The following CWC27 variants were observed in gnomAD, a reference collection of about 807,000 sequenced individuals.
The protein encoded by CWC27 is CWC27 spliceosome associated cyclophilin, also known as spliceosome-associated protein CWC27 homolog.
Under a neutral mutation model 63.6 loss-of-function variants are expected in CWC27, and 47 were observed. The ratio of observed to expected loss-of-function variants is 0.74; its 90% CI spans 0.58 to 0.94. CWC27 has a LOEUF of 0.94. Among genes scored for constraint, CWC27 ranks in the 40% least tolerant of loss-of-function variants. The pLI is 0.00. For synonymous variants in CWC27, 175 were observed against 179.8 expected (o/e 0.97, Z 0.22); for missense variants, 495 against 554.3 (o/e 0.89, Z 1.07).
chr5:64,788,040 G>C (rs939506857), intron 6 of CWC27, among the ~76,000 whole-genome samples: 3 of 152,070 alleles, frequency 2.0e-5, no homozygotes, highest in Admixed American at 6.6e-5. Flanking sequence ...TGTCAGATAT[G>C]AGCCAGACAC....
chr5:64,776,635 T>C (rs1169563147), intron 2 of CWC27, among the ~76,000 whole-genome samples: 5 of 152,154 alleles, frequency 3.3e-5, no homozygotes, highest in African/African-American at 1.2e-4. Flanking sequence ...CTAAGAAGAC[T>C]GATTTAAACA....
At chr5:65,006,610 C>T (rs923679251) in intron 13 of CWC27, among the ~76,000 whole-genome samples, 1 of 151,794 alleles carries the variant, frequency 6.6e-6, no homozygotes, top group Non-Finnish European at 1.5e-5. Context: ...AACCAAATTA[C>T]CTAAAAATTA....
intron 11 of CWC27, among the ~76,000 whole-genome samples, chr5:64,921,133 G>A (rs1295651450): frequency 1.3e-5 from 2 of 152,032 alleles, no homozygotes; most frequent in Non-Finnish European, 1.5e-5. Context: ...CTGGTATGTT[G>A]TGTCTCTATT....
intron 13 of CWC27, among the ~76,000 whole-genome samples, chr5:64,978,906 A>G (rs963511727): frequency 6.6e-6 from 1 of 152,162 alleles, no homozygotes; most frequent in East Asian, 1.9e-4. Context: ...TTCAAACCCC[A>G]GAAGTTTTAT....
chr5:64,820,603 C>T (rs908958711), intron 10 of CWC27, among the ~76,000 whole-genome samples: 1 of 150,844 alleles, frequency 6.6e-6, no homozygotes, highest in African/African-American at 2.4e-5. Context: ...GGACAGAATA[C>T]AGAGTCCACA....
chr5:64,922,916 G>A (rs1311701441), intron 11 of CWC27, among the ~76,000 whole-genome samples: 9 of 152,176 alleles, frequency 5.9e-5, no homozygotes, highest in African/African-American at 1.2e-4. Flanking sequence ...CCTGGGCTGC[G>A]TGCTCTAACC....
intron 11 of CWC27, among the ~76,000 whole-genome samples, chr5:64,959,309 A>G (rs1306417982): frequency 1.3e-5 from 2 of 152,212 alleles, no homozygotes; most frequent in African/African-American, 2.4e-5. Flanking sequence ...CTGGTCACTA[A>G]ATAAATATTA....
chr5:64,777,410 T>C (rs1223665217), intron 2 of CWC27, among the ~76,000 whole-genome samples: 1 of 152,128 alleles, frequency 6.6e-6, no homozygotes, highest in Non-Finnish European at 1.5e-5. Context: ...TAAAAAGTTA[T>C]TAATGATAAC....
intron 10 of CWC27, among the ~76,000 whole-genome samples, chr5:64,839,583 G>C (rs12658920): frequency 0.35 from 53,593 of 152,018 alleles, 9,893 homozygotes; most frequent in East Asian, 0.51. Flanking sequence ...GGCCTGATGA[G>C]GGCAGGGCAC....
chr5:64,810,539 T>C (rs1336925270), intron 10 of CWC27, among the ~76,000 whole-genome samples: 1 of 152,166 alleles, frequency 6.6e-6, no homozygotes, highest in Non-Finnish European at 1.5e-5. Context: ...GAATGGGATA[T>C]CTTTCCATTT....
chr5:64,994,356 A>G (rs1749592537), intron 13 of CWC27, among the ~76,000 whole-genome samples: 1 of 152,100 alleles, frequency 6.6e-6, no homozygotes, highest in Admixed American at 6.5e-5. Flanking sequence ...ATATTGCATA[A>G]TTTAACATGG....
chr5:64,922,362 G>A (rs184804052), intron 11 of CWC27, among the ~76,000 whole-genome samples: 2 of 152,162 alleles, frequency 1.3e-5, no homozygotes, highest in Admixed American at 6.5e-5. Flanking sequence ...TTGTCTGCCT[G>A]TGTGGCTTCA....
At chr5:64,912,351 A>G (rs1367232172) in intron 11 of CWC27, among the ~76,000 whole-genome samples, 1 of 152,174 alleles carries the variant, frequency 6.6e-6, no homozygotes, top group Non-Finnish European at 1.5e-5. Flanking sequence ...CAGCAGAAAC[A>G]ACAAATAGAA....
At chr5:64,893,049 G>A (rs552287537) in intron 11 of CWC27, among the ~76,000 whole-genome samples, 3 of 152,320 alleles carry the variant, frequency 2.0e-5, no homozygotes, top group African/African-American at 7.2e-5. Context: ...TGAAGGGTAT[G>A]TGTATGTGTG....
intron 11 of CWC27, among the ~76,000 whole-genome samples, chr5:64,965,081 C>T (rs1748989285): frequency 6.6e-6 from 1 of 152,088 alleles, no homozygotes; most frequent in African/African-American, 2.4e-5. Context: ...AAAAGCAAAA[C>T]TCTGTCTCAA....
intron 13 of CWC27, among the ~76,000 whole-genome samples, chr5:65,013,131 A>T (rs1209471502): frequency 1.3e-5 from 2 of 152,244 alleles, no homozygotes; most frequent in Non-Finnish European, 2.9e-5. Flanking sequence ...TAAGAACATA[A>T]GGCATGTTCC....
intron 10 of CWC27, among the ~76,000 whole-genome samples, chr5:64,840,122 C>A (rs1745763471): frequency 1.3e-5 from 2 of 151,552 alleles, no homozygotes. Flanking sequence ...GAATTAGGAG[C>A]CAAGTAGTCA....
chr5:64,951,662 C>G (rs183925992), intron 11 of CWC27, among the ~76,000 whole-genome samples: 1 of 151,926 alleles, frequency 6.6e-6, no homozygotes. Flanking sequence ...CCCCACTTCC[C>G]CTGTGCAACC....
At chr5:64,990,251 G>GTTTTTTTTTTTTTTTGTTTTT (rs1217198416) in intron 13 of CWC27, among the ~76,000 whole-genome samples, 1 of 26,990 alleles carries the variant, frequency 3.7e-5, no homozygotes, top group South Asian at 1.3e-3. Flanking sequence ...TTTTTTTTTT[G>GTTTTTTTTTTTTTTTGTTTTT]TTTTTTTTTT....
Sources: allele counts gnomAD v4.1 joint callset (sites outside exome capture counted in the v4.1 genomes callset), GRCh38; gene constraint gnomAD v4.1.1; transcripts MANE v1.5; gene names NCBI Gene and HGNC (gene_info 2026-07-23, HGNC 2026-07-21).